Variants in CELF2 observed in about 807,000 individuals in gnomAD.
CELF2 encodes CUGBP Elav-like family member 2, also known as CUG triplet repeat RNA-binding protein 2.
In CELF2, 8 loss-of-function variants were observed where a neutral mutation model predicts 62.6. That is an observed-to-expected ratio of 0.13 (90% CI 0.07 to 0.23). The LOEUF is 0.23. Among genes scored for constraint, CELF2 ranks in the 10% least tolerant of loss-of-function variants. The pLI is 1.00. For missense variants in CELF2, 333 were observed against 671.0 expected, an observed-to-expected ratio of 0.50 and a Z score of 5.56; for synonymous variants, 258 against 250.0, an observed-to-expected ratio of 1.03 and a Z score of -0.30.
intron 1 of CELF2, among the ~76,000 whole-genome samples, chr10:10,900,136 A>T (rs993007455): frequency 6.6e-6 from 1 of 152,216 alleles, no homozygotes; most frequent in African/African-American, 2.4e-5. Context: ...TCACTGATAA[A>T]TTCTACCAAA....
chr10:10,463,125 C>G, the CELF2 span, among the ~76,000 whole-genome samples: 2 of 152,002 alleles, frequency 1.3e-5, no homozygotes, highest in Non-Finnish European at 2.9e-5. Flanking sequence ...CATTTTAATC[C>G]CTTTCATCTG....
intron 2 of CELF2, among the ~76,000 whole-genome samples, chr10:11,176,427 T>C (rs1428518601): frequency 6.6e-6 from 1 of 152,158 alleles, no homozygotes; most frequent in Non-Finnish European, 1.5e-5. Flanking sequence ...ACCTGATGGA[T>C]CAAAATCCCC....
At chr10:10,581,472 C>G in the CELF2 span, among the ~76,000 whole-genome samples, 4 of 152,060 alleles carry the variant, frequency 2.6e-5, no homozygotes, top group Non-Finnish European at 5.9e-5. Context: ...AACGCTCTGG[C>G]AGGGTGGAGA....
At chr10:10,827,911 A>T (rs1293823705) in intron 1 of CELF2, among the ~76,000 whole-genome samples, 1 of 150,160 alleles carries the variant, frequency 6.7e-6, no homozygotes, top group Non-Finnish European at 1.5e-5. Context: ...AAATAAAACT[A>T]ATTTGAATTA....
chr10:10,678,965 A>G, the CELF2 span, among the ~76,000 whole-genome samples: 170 of 152,314 alleles, frequency 1.1e-3, 2 homozygotes, highest in East Asian at 0.027. Flanking sequence ...TCCAGAAAAG[A>G]GCAAATAAAA....
the CELF2 span, among the ~76,000 whole-genome samples, chr10:10,556,455 CAAGTCTTTGCT>C: frequency 6.6e-6 from 1 of 152,212 alleles, no homozygotes; most frequent in African/African-American, 2.4e-5. Context: ...GGGTTGGTTC[CAAGTCTTTGCT>C]ATTGTGAATA....
At chr10:10,668,160 T>C in the CELF2 span, among the ~76,000 whole-genome samples, 1 of 152,216 alleles carries the variant, frequency 6.6e-6, no homozygotes, top group African/African-American at 2.4e-5. Flanking sequence ...GGCAATATAA[T>C]TGACATACAA....
chr10:11,080,501 T>A (rs1426364436), intron 1 of CELF2, among the ~76,000 whole-genome samples: 1 of 152,246 alleles, frequency 6.6e-6, no homozygotes, highest in Non-Finnish European at 1.5e-5. Flanking sequence ...ATGGATTCAC[T>A]GATGGCTACC....
At chr10:10,771,040 T>A in the CELF2 span, among the ~76,000 whole-genome samples, 3 of 152,204 alleles carry the variant, frequency 2.0e-5, no homozygotes. Flanking sequence ...GGGAAAGAGA[T>A]GAGGGAATAG....
rs372532725 is a variant in CELF2 at position 11,224,897 on chromosome 10, G to A, written c.354+7390G>A. Among the ~76,000 whole-genome samples the A allele has an allele frequency of 6.6e-6, 1 of 152,192 alleles. No homozygotes were observed. Among genetic ancestry groups the A allele is most frequent in the African/African-American group, 2.4e-5 (1 of 41,444 alleles). ...ACACTAGGAAATAGGGAATGGCTGAGCTGGGGAGAGCCAAGGCCAGGATCA... is the reference window on the plus strand; with the variant it reads ...ACACTAGGAAATAGGGAATGGCTGAACTGGGGAGAGCCAAGGCCAGGATCA... On this transcript the variant is annotated intron_variant, in intron 3 of 12. Transcript: ENST00000633077. The surrounding 1 kb of genome is among the most constrained non-coding windows in gnomAD (Gnocchi z 4.5).
At chr10:10,643,633 CT>C in the CELF2 span, among the ~76,000 whole-genome samples, 1 of 152,084 alleles carries the variant, frequency 6.6e-6, no homozygotes, top group Non-Finnish European at 1.5e-5. Flanking sequence ...AGATCTGATT[CT>C]TTAGTCTAAC....
chr10:10,739,849 T>C, the CELF2 span, among the ~76,000 whole-genome samples: 1 of 152,216 alleles, frequency 6.6e-6, no homozygotes, highest in Non-Finnish European at 1.5e-5. Context: ...ATTAGCAATG[T>C]TGAGCACCTT....
the CELF2 span, among the ~76,000 whole-genome samples, chr10:10,539,066 T>A: frequency 1.3e-5 from 2 of 152,352 alleles, no homozygotes; most frequent in Non-Finnish European, 2.9e-5. Context: ...AAATGCTGAT[T>A]TCTGATCCAC....
In CELF2 at chr10:11,237,362, C is replaced by A. The variant is rs2071815226; in HGVS notation, c.355-11791C>A. Among the ~76,000 whole-genome samples, 1 of 152,158 alleles carries A rather than the reference C, an allele frequency of 6.6e-6. No individual in the cohort carries two copies. The highest frequency in any genetic ancestry group is 1.5e-5 in the Non-Finnish European group (1 of 68,024). ...AAGCCGTGGTCTCTGTCCAGCTTCT[C>A]AAGTTCTCTGTGGGGTACCCAGATT... On this transcript the variant is annotated intron_variant, in intron 3 of 12. Coordinates refer to ENST00000633077, the MANE Select transcript of CELF2 (RefSeq NM_001326342.2). The surrounding 1 kb of genome is among the most constrained non-coding windows in gnomAD (Gnocchi z 4.0).
intron 1 of CELF2, among the ~76,000 whole-genome samples, chr10:10,803,210 A>G (rs1343395811): frequency 2.6e-5 from 4 of 152,222 alleles, no homozygotes; most frequent in Non-Finnish European, 5.9e-5. Flanking sequence ...GAATGAAAGC[A>G]TTACAAACGC....
At chr10:10,475,859 C>T in the CELF2 span, among the ~76,000 whole-genome samples, 1 of 151,972 alleles carries the variant, frequency 6.6e-6, no homozygotes, top group Non-Finnish European at 1.5e-5. Flanking sequence ...CAGACATTTT[C>T]TTCCTTTTAT....
At position 11,319,442 on chromosome 10, in the gene CELF2, C is replaced by T. The variant is rs139527496; in HGVS notation, c.1097-1747C>T. On this transcript the variant is annotated intron_variant, in intron 10 of 12. Coordinates refer to ENST00000633077, the MANE Select transcript of CELF2 (RefSeq NM_001326342.2). This position sits in a 1 kb window ranked among gnomAD's most constrained non-coding sequence, Gnocchi z 4.4. ...AAGCACAGCGGCAGGGAGGTGGCCG[C>T]GATTTGCTGGTGTCCGAGGGATCAT... Among the ~76,000 whole-genome samples, 128 of 152,254 alleles carry T rather than the reference C, an allele frequency of 8.4e-4. No individual in the cohort carries two copies. The highest frequency in any genetic ancestry group is 3.4e-3 in the Middle Eastern group (1 of 294).
chr10:11,238,282 C>T (rs1205832957), intron 3 of CELF2, among the ~76,000 whole-genome samples: 4 of 152,164 alleles, frequency 2.6e-5, no homozygotes, highest in African/African-American at 9.7e-5. Flanking sequence ...ACACAATTCT[C>T]GTGGTCTTTT....
the CELF2 span, among the ~76,000 whole-genome samples, chr10:10,735,322 A>G: frequency 1.3e-5 from 2 of 152,240 alleles, no homozygotes; most frequent in Non-Finnish European, 2.9e-5. Flanking sequence ...TTCACTTTAC[A>G]GTCAACTTTT....
Sources: allele counts gnomAD v4.1 joint callset (sites outside exome capture counted in the v4.1 genomes callset), GRCh38; gene constraint gnomAD v4.1.1; non-coding constraint Gnocchi (gnomAD v3.1); transcripts MANE v1.5; gene names NCBI Gene and HGNC (gene_info 2026-07-23, HGNC 2026-07-21).